The following PALLD variants were observed in gnomAD, a reference collection of about 807,000 sequenced individuals.
PALLD encodes palladin.
Under a neutral mutation model 123.5 loss-of-function variants are expected in PALLD, and 61 were observed. That is an observed-to-expected ratio of 0.49 (90% CI 0.40 to 0.61). The LOEUF (loss-of-function observed/expected upper bound fraction) is 0.61, where lower values mean the gene tolerates loss of function less well. PALLD is among the 20% of genes least tolerant of loss of function. The pLI is 0.00. For missense variants in PALLD, 1,273 were observed against 1,377.0 expected, an observed-to-expected ratio of 0.92 and a Z score of 1.20; for synonymous variants, 465 against 496.4, an observed-to-expected ratio of 0.94 and a Z score of 0.84.
chr4:168,591,459 T>C (rs1771423833), intron 2 of PALLD, among the ~76,000 whole-genome samples: 1 of 152,164 alleles, frequency 6.6e-6, no homozygotes. Context: ...TACATCCCTA[T>C]GAAACTGATG....
intron 2 of PALLD, among the ~76,000 whole-genome samples, chr4:168,599,193 G>A (rs1772298281): frequency 6.6e-6 from 1 of 152,144 alleles, no homozygotes; most frequent in African/African-American, 2.4e-5. Flanking sequence ...TGGTTGAAAT[G>A]TCTTACTTTT....
chr4:168,531,167 A>C (rs1764563079), intron 2 of PALLD, among the ~76,000 whole-genome samples: 1 of 152,202 alleles, frequency 6.6e-6, no homozygotes, highest in Admixed American at 6.5e-5. Context: ...AATATATATA[A>C]TTGTGGGACC....
At chr4:168,806,371 C>T (rs966749044) in intron 10 of PALLD, among the ~76,000 whole-genome samples, 21 of 151,986 alleles carry the variant, frequency 1.4e-4, no homozygotes, top group Admixed American at 9.8e-4. Context: ...GCCAAGATCT[C>T]GTTGTTTAAA....
chr4:168,772,703 C>CA lies in PALLD; in HGVS notation c.1964+60787dup, dbSNP rs371022945. Among the ~76,000 whole-genome samples, 4 of 152,068 alleles carry CA rather than the reference C, an allele frequency of 2.6e-5. No homozygotes were observed. The South Asian group carries it at 6.2e-4, about 24-fold the overall frequency. ...GTAGTGGAGGCCAGCTTCTTGAAAG[C>CA]AAAAAAACACGCATCCCATTCATCT... On this transcript the variant is annotated intron_variant, in intron 10 of 21. Transcript: ENST00000505667.
At chr4:168,855,583 G>A (rs996615834) in intron 10 of PALLD, among the ~76,000 whole-genome samples, 3 of 152,188 alleles carry the variant, frequency 2.0e-5, no homozygotes, top group African/African-American at 7.2e-5. Context: ...TGTGCAGTGT[G>A]TGACCTTGAC....
chr4:168,585,449 C>T (rs1479445244), intron 2 of PALLD, among the ~76,000 whole-genome samples: 2 of 152,126 alleles, frequency 1.3e-5, no homozygotes, highest in Non-Finnish European at 2.9e-5. Flanking sequence ...GATTTGCAAC[C>T]AGCCTTATGC....
rs868703042 is a variant in PALLD, at chr4:168,590,026, C to T, written c.908+77614C>T. Among the ~76,000 whole-genome samples the T allele has an allele frequency of 3.9e-5, 6 of 152,202 alleles. No individual in the cohort carries two copies. The South Asian group carries it at 6.2e-4, about 16-fold the overall frequency. On this transcript the variant is annotated intron_variant, in intron 2 of 21. Coordinates refer to ENST00000505667, the MANE Select transcript of PALLD (RefSeq NM_001166108.2). ...GATTGGCACACTTAAAAGTTCTTTT[C>T]TCAGGTTGACTAGAAGTCTTAACCA...
intron 2 of PALLD, among the ~76,000 whole-genome samples, chr4:168,525,778 C>G (rs2149467344): frequency 6.6e-6 from 1 of 152,266 alleles, no homozygotes; most frequent in Middle Eastern, 3.4e-3. Context: ...AGTATGAGAG[C>G]TATTGTGTTT....
chr4:168,716,455 C>T (rs968969765), intron 10 of PALLD, among the ~76,000 whole-genome samples: 1 of 152,164 alleles, frequency 6.6e-6, no homozygotes, highest in South Asian at 2.1e-4. Flanking sequence ...CTTGCTCTTA[C>T]CCCAGTCTCT....
intron 10 of PALLD, among the ~76,000 whole-genome samples, chr4:168,841,114 G>A (rs1745975592): frequency 6.6e-6 from 1 of 152,152 alleles, no homozygotes; most frequent in Admixed American, 6.6e-5. Context: ...CTCCCAAAGT[G>A]CTGAGATTAC....
At chr4:168,715,521 G>C (rs553635404) in intron 10 of PALLD, among the ~76,000 whole-genome samples, 14 of 152,332 alleles carry the variant, frequency 9.2e-5, no homozygotes, top group Admixed American at 9.2e-4. Context: ...AGGAGGGAAT[G>C]AGCGTAAACC....
At chr4:168,650,171 T>C (rs1233786398) in intron 2 of PALLD, among the ~76,000 whole-genome samples, 2 of 151,912 alleles carry the variant, frequency 1.3e-5, no homozygotes, top group Non-Finnish European at 2.9e-5. Flanking sequence ...TGAGACTCCA[T>C]CTGAAAGAAA....
chr4:168,582,029 G>A (rs4342159), intron 2 of PALLD, among the ~76,000 whole-genome samples: 14,269 of 151,934 alleles, frequency 0.094, 801 homozygotes, highest in Non-Finnish European at 0.12. Flanking sequence ...TCCCCATTAT[G>A]TAATTTGGGC....
intron 10 of PALLD, among the ~76,000 whole-genome samples, chr4:168,793,520 TAG>T (rs1737951220): frequency 6.6e-6 from 1 of 151,472 alleles, no homozygotes; most frequent in African/African-American, 2.4e-5. Flanking sequence ...GAAAGAAGGG[TAG>T]AGAGTATTTA....
chr4:168,704,842 C>G (rs573726931), intron 8 of PALLD, among the ~76,000 whole-genome samples: 1 of 151,838 alleles, frequency 6.6e-6, no homozygotes, highest in African/African-American at 2.4e-5. Flanking sequence ...GCTATCAAGA[C>G]AAGTGGGAGA....
intron 10 of PALLD, among the ~76,000 whole-genome samples, chr4:168,791,467 C>T (rs1737511409): frequency 6.6e-6 from 1 of 152,104 alleles, no homozygotes; most frequent in Non-Finnish European, 1.5e-5. Flanking sequence ...GAAGCAAGTA[C>T]CTTCTTCACA....
chr4:168,926,114 C>T, intron 21 of PALLD, 99 bp from the exon 22 acceptor site: 1 of 981,534 alleles, frequency 1.0e-6, no homozygotes, highest in South Asian at 2.0e-5. Flanking sequence ...TGTTCAGGTG[C>T]CTTGCATCTA....
chr4:168,595,657 T>G (rs1771904220), intron 2 of PALLD, among the ~76,000 whole-genome samples: 1 of 152,134 alleles, frequency 6.6e-6, no homozygotes, highest in East Asian at 1.9e-4. Context: ...TGTCTACAAA[T>G]TGCTGTGACA....
intron 15 of PALLD, among the ~76,000 whole-genome samples, chr4:168,904,891 C>T (rs1757304343): frequency 6.6e-6 from 1 of 152,040 alleles, no homozygotes; most frequent in Non-Finnish European, 1.5e-5. Context: ...CTTTGGGAGG[C>T]TGAGGCAGGT....
Sources: allele counts gnomAD v4.1 joint callset (sites outside exome capture counted in the v4.1 genomes callset), GRCh38; gene constraint gnomAD v4.1.1; transcripts MANE v1.5; gene names NCBI Gene and HGNC (gene_info 2026-07-23, HGNC 2026-07-21).